The following SAMD4B variants were observed in gnomAD, a reference collection of about 807,000 sequenced individuals.
The protein encoded by SAMD4B is protein Smaug homolog 2.
In SAMD4B, 5 loss-of-function variants were observed where a neutral mutation model predicts 74.5. The ratio of observed to expected loss-of-function variants is 0.07; its 90% CI spans 0.04 to 0.14. The LOEUF (loss-of-function observed/expected upper bound fraction) is 0.14, where lower values mean the gene tolerates loss of function less well. Among genes scored for constraint, SAMD4B ranks in the 10% least tolerant of loss-of-function variants. The pLI, the probability that SAMD4B is intolerant of heterozygous loss-of-function variation, is 1.00. For missense variants in SAMD4B, 608 were observed against 921.8 expected (o/e 0.66, Z 4.41); for synonymous variants, 373 against 374.9 (o/e 1.00, Z 0.06).
intron 1 of SAMD4B, among the ~76,000 whole-genome samples, chr19:39,343,983 C>CA (rs1491508992): frequency 2.6e-4 from 6 of 23,312 alleles, no homozygotes; most frequent in East Asian, 3.1e-3. Context: ...GTTTTCAGGA[C>CA]CCCCCCCCCC....
intron 3 of SAMD4B, among the ~76,000 whole-genome samples, chr19:39,366,508 G>A (rs1404821610): frequency 2.0e-5 from 3 of 152,160 alleles, no homozygotes; most frequent in Admixed American, 6.5e-5. Context: ...GTTCTCTCTT[G>A]GAAGCTTAGA....
downstream of SAMD4B, chr19:39,388,379 G>A: frequency 6.2e-7 from 1 of 1,613,994 alleles, no homozygotes; most frequent in Non-Finnish European, 8.5e-7. Flanking sequence ...TCACCCTCTC[G>A]GAAGATGAAG....
chr19:39,385,542 C>G lies in SAMD4B; in HGVS notation c.*2015C>G, dbSNP rs1222420323. 1.9e-5 allele frequency: 9 copies of G among 474,838 alleles called. No individual in the cohort carries two copies. The highest frequency in any genetic ancestry group is 3.3e-5 in the Non-Finnish European group (9 of 272,136). The allele number at this position is 474,838 out of a possible 1,614,324, so 29.4% of individuals were successfully genotyped here. ...CCCAGGCCCTCCTCCATGATTTCAC[C>G]CTCCCTACCCACTTCTGTCCCCGGC... On this transcript the variant is annotated 3_prime_UTR_variant, in exon 14 of 14. Transcript: ENST00000610417.
At chr19:39,374,570 A>C (rs536835667) in intron 4 of SAMD4B, among the ~76,000 whole-genome samples, 252 of 152,116 alleles carry the variant, frequency 1.7e-3, no homozygotes, top group South Asian at 2.9e-3. Context: ...GGCTGGGCGC[A>C]GTGGCTCACG....
chr19:39,371,337 T>C (rs1039751366), intron 4 of SAMD4B, among the ~76,000 whole-genome samples: 1 of 152,146 alleles, frequency 6.6e-6, no homozygotes, highest in Non-Finnish European at 1.5e-5. Flanking sequence ...CCCCAGTTAG[T>C]GTGGCTATTC....
intron 12 of SAMD4B, among the ~76,000 whole-genome samples, chr19:39,382,800 G>A (rs748889256): frequency 4.6e-5 from 7 of 152,214 alleles, no homozygotes; most frequent in Admixed American, 1.3e-4. Context: ...GACAGGAAGG[G>A]TTTTGATTTA....
chr19:39,363,847 G>A (rs1255258057), intron 3 of SAMD4B, among the ~76,000 whole-genome samples: 1 of 152,308 alleles, frequency 6.6e-6, no homozygotes, highest in South Asian at 2.1e-4. Flanking sequence ...CAATTGTGCA[G>A]GTATTCGTTG....
chr19:39,387,203 G>A, downstream of SAMD4B: 1 of 437,768 alleles, frequency 2.3e-6, no homozygotes, highest in South Asian at 1.7e-5. Flanking sequence ...CTACAAGGTT[G>A]TACAGCATGT....
intron 9 of SAMD4B, among the ~76,000 whole-genome samples, chr19:39,379,333 T>C (rs1050193257): frequency 1.3e-5 from 2 of 152,116 alleles, no homozygotes; most frequent in Admixed American, 6.5e-5. Flanking sequence ...AACAGTACCC[T>C]TTCCTCCTCC....
chr19:39,388,374 C>T, downstream of SAMD4B: 2 of 1,614,120 alleles, frequency 1.2e-6, no homozygotes, highest in South Asian at 1.1e-5. Context: ...CCCCGTCACC[C>T]TCTCGGAAGA....
At position 39,344,639 on chromosome 19, in the gene SAMD4B, G is replaced by A. The variant is rs573036481; in HGVS notation, c.-267+2063G>A. On this transcript the variant is annotated intron_variant, in intron 1 of 13. Coordinates refer to ENST00000610417, the MANE Select transcript of SAMD4B (RefSeq NM_001384574.2). ...CTCATTTCCCCATTCTCTTTCCTCTGAAGTCAACTCAGAGACCTTTCTCAG... is the reference window on the plus strand; with the variant it reads ...CTCATTTCCCCATTCTCTTTCCTCTAAAGTCAACTCAGAGACCTTTCTCAG... 8.5e-5 allele frequency among the ~76,000 whole-genome samples: 13 copies of A among 152,076 alleles called. 1 individual carries two copies. In the South Asian group the frequency reaches 1.0e-3, roughly 12 times the overall value.
chr19:39,387,463 G>A (rs897872069), downstream of SAMD4B, among the ~76,000 whole-genome samples: 1 of 152,172 alleles, frequency 6.6e-6, no homozygotes, highest in African/African-American at 2.4e-5. Flanking sequence ...CCACAGCACA[G>A]CAACAGTGGG....
Position 39,383,705 on chromosome 19 carries a change from C to G in SAMD4B, c.*178C>G. The stretch of plus-strand genomic sequence containing the variant: ...CATTGGCACATGCCTTGCTCACTCC[C>G]AGGCCCGTCGAGGGATCTCTGCTGA... On this transcript the variant is annotated 3_prime_UTR_variant, in exon 14 of 14. Transcript: ENST00000610417. The surrounding 1 kb of genome is among the most constrained non-coding windows in gnomAD (Gnocchi z 4.1). 1 of 1,539,350 alleles carries G rather than the reference C, an allele frequency of 6.5e-7. No homozygotes were observed.
intron 1 of SAMD4B, among the ~76,000 whole-genome samples, chr19:39,346,297 A>G (rs919354175): frequency 6.6e-6 from 1 of 152,178 alleles, no homozygotes; most frequent in Non-Finnish European, 1.5e-5. Flanking sequence ...ATAGTGTTCC[A>G]TGGGAGTTGG....
chr19:39,368,168 C>T (rs1176955922), intron 3 of SAMD4B, among the ~76,000 whole-genome samples: 2 of 151,938 alleles, frequency 1.3e-5, no homozygotes, highest in African/African-American at 4.8e-5. Context: ...GAGCCAAGAT[C>T]GCGCCACTGC....
chr19:39,366,142 G>A (rs1351479216), intron 3 of SAMD4B, among the ~76,000 whole-genome samples: 1 of 152,064 alleles, frequency 6.6e-6, no homozygotes, highest in Non-Finnish European at 1.5e-5. Flanking sequence ...ATGGTTAAAC[G>A]CCCCCTCCAC....
At chr19:39,367,348 C>G (rs1433816469) in intron 3 of SAMD4B, among the ~76,000 whole-genome samples, 1 of 152,074 alleles carries the variant, frequency 6.6e-6, no homozygotes, top group Admixed American at 6.6e-5. Context: ...GCTCAGTTGC[C>G]CAAGGGTGAG....
In SAMD4B at chr19:39,381,080, T is replaced by C. The variant is rs1215768329; in HGVS notation, c.1939T>C (p.Ser647Pro). 1.2e-6 allele frequency: 2 copies of C among 1,612,710 alleles called. No individual in the cohort carries two copies. Among genetic ancestry groups the C allele is most frequent in the Admixed American group, 1.7e-5 (1 of 59,920 alleles). ...VQRTHSLPVH[S>P]SPQAILMFPP... ...GCGCACCCACTCGCTCCCGGTCCAC[T>C]CGTCACCCCAGGCCATTCTCATGTT... Residue 647 changes from serine to proline, a missense_variant, in exon 12 of 14, where the codon TCG becomes CCG. Coordinates refer to ENST00000610417, the MANE Select transcript of SAMD4B (RefSeq NM_001384574.2).
At chr19:39,361,509 G>A (rs781700037) in intron 3 of SAMD4B, among the ~76,000 whole-genome samples, 9 of 151,378 alleles carry the variant, frequency 5.9e-5, no homozygotes, top group Non-Finnish European at 8.8e-5. Flanking sequence ...CCAGCTACTT[G>A]GGAGGCTGAG....
Sources: gnomAD v4.1 joint callset for allele counts (sites outside exome capture counted in the v4.1 genomes callset) on GRCh38, gnomAD v4.1.1 for gene constraint, Gnocchi (gnomAD v3.1) non-coding constraint, MANE v1.5 for transcripts, NCBI Gene and HGNC (gene_info 2026-07-23, HGNC 2026-07-21) for gene names.